The following DCC variants were observed in gnomAD, a reference collection of about 807,000 sequenced individuals.
DCC encodes netrin receptor DCC.
In DCC, 58 loss-of-function variants were observed where a neutral mutation model predicts 172.5. The ratio of observed to expected loss-of-function variants is 0.34; its 90% CI spans 0.27 to 0.42. The LOEUF is 0.42. DCC is among the 10% of genes least tolerant of loss of function. DCC has a pLI of 1.00. For synonymous variants in DCC, 709 were observed against 644.5 expected, an observed-to-expected ratio of 1.10 and a Z score of -1.52; for missense variants, 1,740 against 1,791.0, an observed-to-expected ratio of 0.97 and a Z score of 0.51.
At chr18:53,236,089 G>A (rs965687847) in intron 12 of DCC, among the ~76,000 whole-genome samples, 4 of 152,170 alleles carry the variant, frequency 2.6e-5, no homozygotes, top group Non-Finnish European at 2.9e-5. Flanking sequence ...ACTTTGTCTC[G>A]TGTAGATATT....
At chr18:52,569,672 C>T (rs912748230) in intron 1 of DCC, among the ~76,000 whole-genome samples, 1 of 152,048 alleles carries the variant, frequency 6.6e-6, no homozygotes, top group South Asian at 2.1e-4. Flanking sequence ...GTGACTACTA[C>T]AATTCTGGCA....
chr18:52,589,599 T>C (rs914728164), intron 1 of DCC, among the ~76,000 whole-genome samples: 10 of 152,230 alleles, frequency 6.6e-5, no homozygotes, highest in South Asian at 4.1e-4. Flanking sequence ...CATGGGTTTT[T>C]GTACAATCCT....
At chr18:52,970,172 A>G (rs565647382) in intron 5 of DCC, among the ~76,000 whole-genome samples, 33 of 152,238 alleles carry the variant, frequency 2.2e-4, no homozygotes, top group South Asian at 2.1e-3. Flanking sequence ...AATCTGTTTT[A>G]CTATTAGGAA....
chr18:52,417,633 C>T (rs1235113616), intron 1 of DCC, among the ~76,000 whole-genome samples: 1 of 152,154 alleles, frequency 6.6e-6, no homozygotes, highest in Non-Finnish European at 1.5e-5. Context: ...CATCTTCCAT[C>T]ACTGATACCC....
At chr18:52,669,698 A>G (rs79301210) in intron 1 of DCC, among the ~76,000 whole-genome samples, 3,391 of 152,278 alleles carry the variant, frequency 0.022, 68 homozygotes, top group East Asian at 0.095. Context: ...TTGAGTTCCT[A>G]CTGTATCAGG....
intron 1 of DCC, among the ~76,000 whole-genome samples, chr18:52,461,512 C>T (rs1988630145): frequency 1.3e-5 from 2 of 151,686 alleles, no homozygotes; most frequent in Non-Finnish European, 2.9e-5. Context: ...ATTGTATGTG[C>T]TAGATTTTAT....
chr18:53,200,749 CAG>C (rs942759797), intron 9 of DCC, among the ~76,000 whole-genome samples: 1 of 152,114 alleles, frequency 6.6e-6, no homozygotes, highest in Non-Finnish European at 1.5e-5. Flanking sequence ...CAATGATTCT[CAG>C]AGTCATGGTC....
intron 1 of DCC, among the ~76,000 whole-genome samples, chr18:52,488,528 A>C (rs2030341783): frequency 6.6e-6 from 1 of 152,074 alleles, no homozygotes; most frequent in Non-Finnish European, 1.5e-5. Flanking sequence ...AAGGAGAGAG[A>C]AAATGCATAA....
chr18:52,930,975 TA>T (rs1408000475), intron 5 of DCC, among the ~76,000 whole-genome samples: 1 of 151,888 alleles, frequency 6.6e-6, no homozygotes, highest in Non-Finnish European at 1.5e-5. Flanking sequence ...AAAATAGTGA[TA>T]TGTTTATATT....
At chr18:53,037,052 A>C (rs1174839581) in intron 5 of DCC, among the ~76,000 whole-genome samples, 1 of 152,002 alleles carries the variant, frequency 6.6e-6, no homozygotes, top group Non-Finnish European at 1.5e-5. Flanking sequence ...TTCAGGCAAG[A>C]GAGCTGACTT....
intron 18 of DCC, among the ~76,000 whole-genome samples, chr18:53,397,777 G>T (rs1909047714): frequency 6.6e-6 from 1 of 152,106 alleles, no homozygotes; most frequent in African/African-American, 2.4e-5. Flanking sequence ...CAAAACAGTT[G>T]TGTCTTTGAA....
At chr18:53,407,556 T>TAC (rs1192623109) in intron 19 of DCC, among the ~76,000 whole-genome samples, 1 of 140,396 alleles carries the variant, frequency 7.1e-6, no homozygotes, top group Non-Finnish European at 1.5e-5. Flanking sequence ...TATATATATA[T>TAC]TCACTATTAC....
chr18:52,802,999 A>G (rs2038022348), intron 2 of DCC, among the ~76,000 whole-genome samples: 1 of 152,162 alleles, frequency 6.6e-6, no homozygotes, highest in South Asian at 2.1e-4. Context: ...GTACTGATTA[A>G]TACTGTAGGT....
intron 1 of DCC, among the ~76,000 whole-genome samples, chr18:52,675,794 T>C (rs1187568317): frequency 6.6e-6 from 1 of 152,240 alleles, no homozygotes; most frequent in Non-Finnish European, 1.5e-5. Flanking sequence ...GATTTCTGTT[T>C]AGACTTTTAC....
At chr18:52,881,516 T>G (rs2039485769) in intron 2 of DCC, among the ~76,000 whole-genome samples, 1 of 152,180 alleles carries the variant, frequency 6.6e-6, no homozygotes, top group African/African-American at 2.4e-5. Flanking sequence ...CCATTTTGAT[T>G]TTTGTATATG....
chr18:52,486,483 C>T (rs2030232179), intron 1 of DCC, among the ~76,000 whole-genome samples: 1 of 152,106 alleles, frequency 6.6e-6, no homozygotes, highest in East Asian at 1.9e-4. Context: ...CAAATGAATT[C>T]ATATTACTTG....
chr18:52,813,916 TATC>T (rs1308790771), intron 2 of DCC, among the ~76,000 whole-genome samples: 4 of 152,216 alleles, frequency 2.6e-5, no homozygotes, highest in Non-Finnish European at 5.9e-5. Context: ...GAACTTTTAC[TATC>T]ATCTCTCCTG....
intron 7 of DCC, among the ~76,000 whole-genome samples, chr18:53,101,630 C>A (rs1056487369): frequency 3.9e-5 from 6 of 152,100 alleles, no homozygotes; most frequent in Non-Finnish European, 8.8e-5. Context: ...ACGTAGAGGA[C>A]AATTTACTTT....
At chr18:52,929,301 ACTGTCTGCC>A (rs1030000540) in intron 5 of DCC, among the ~76,000 whole-genome samples, 3 of 152,158 alleles carry the variant, frequency 2.0e-5, no homozygotes, top group Admixed American at 2.0e-4. Context: ...CATATGCTTT[ACTGTCTGCC>A]CTGTCTGCTC....
Sources: allele counts gnomAD v4.1 joint callset (sites outside exome capture counted in the v4.1 genomes callset), GRCh38; gene constraint gnomAD v4.1.1; transcripts MANE v1.5; gene names NCBI Gene and HGNC (gene_info 2026-07-23, HGNC 2026-07-21).